Variants in KIAA1328 observed in about 807,000 individuals in gnomAD.
KIAA1328 encodes KIAA1328.
KIAA1328 carries 52 observed loss-of-function variants against 68.1 expected under a neutral mutation model. The ratio of observed to expected loss-of-function variants is 0.76; its 90% confidence interval spans 0.61 to 0.96. KIAA1328 has a LOEUF of 0.96. Ranked by LOEUF, KIAA1328 falls within the 40% of genes least tolerant of loss-of-function variation. The pLI is 0.00. For synonymous variants in KIAA1328, 232 were observed against 239.4 expected (o/e 0.97, Z 0.28); for missense variants, 641 against 677.6 (o/e 0.95, Z 0.60).
intron 6 of KIAA1328, among the ~76,000 whole-genome samples, chr18:37,061,193 C>A (rs1407349137): frequency 6.6e-6 from 1 of 152,080 alleles, no homozygotes; most frequent in Admixed American, 6.5e-5. Flanking sequence ...ATAGAAGAAG[C>A]TAAAAAATTA....
chr18:37,074,616 G>C (rs1263606113), intron 7 of KIAA1328: 1 of 152,194 alleles, frequency 6.6e-6, no homozygotes, highest in Non-Finnish European at 1.5e-5. Context: ...TGTTCACGTA[G>C]TTCTTGAGTC....
chr18:36,860,185 A>G (rs1351672898), intron 4 of KIAA1328, among the ~76,000 whole-genome samples: 1 of 152,168 alleles, frequency 6.6e-6, no homozygotes, highest in African/African-American at 2.4e-5. Flanking sequence ...AACTTGCTTT[A>G]CTAGCATACC....
intron 9 of KIAA1328, among the ~76,000 whole-genome samples, chr18:37,203,964 C>T (rs2154219633): frequency 6.6e-6 from 1 of 152,326 alleles, no homozygotes; most frequent in East Asian, 1.9e-4. Flanking sequence ...CGCCCGCCAC[C>T]ACACGCAGCT....
intron 6 of KIAA1328, among the ~76,000 whole-genome samples, chr18:36,965,322 G>A (rs2051874640): frequency 6.6e-6 from 1 of 151,750 alleles, no homozygotes; most frequent in African/African-American, 2.4e-5. Context: ...CTGGGTCACA[G>A]ACTGGTCAAG....
At chr18:36,887,154 G>A (rs1176104265) in intron 5 of KIAA1328, among the ~76,000 whole-genome samples, 1 of 138,750 alleles carries the variant, frequency 7.2e-6, no homozygotes, top group African/African-American at 2.7e-5. Flanking sequence ...CATTGCCCTT[G>A]GTTGTTGACC....
intron 6 of KIAA1328, among the ~76,000 whole-genome samples, chr18:36,987,484 A>AT (rs1417527122): frequency 1.4e-4 from 11 of 77,578 alleles, no homozygotes; most frequent in Non-Finnish European, 3.8e-4. Context: ...TTAGAGTATA[A>AT]TAAAAAAAAA....
At chr18:37,151,801 A>C (rs2059035634) in intron 7 of KIAA1328, among the ~76,000 whole-genome samples, 1 of 152,146 alleles carries the variant, frequency 6.6e-6, no homozygotes, top group African/African-American at 2.4e-5. Flanking sequence ...TTAAAGTGCG[A>C]GTGGTATGAG....
At chr18:37,044,954 T>C (rs1007177290) in intron 6 of KIAA1328, among the ~76,000 whole-genome samples, 1 of 152,120 alleles carries the variant, frequency 6.6e-6, no homozygotes, top group South Asian at 2.1e-4. Flanking sequence ...ACTTGAAGTT[T>C]AAGTGGGTAT....
chr18:37,010,860 A>G (rs2053955789), intron 6 of KIAA1328, among the ~76,000 whole-genome samples: 2 of 152,216 alleles, frequency 1.3e-5, no homozygotes, highest in African/African-American at 4.8e-5. Context: ...AGAGGTGTAT[A>G]TAGCAATAAT....
At chr18:37,069,914 C>A (rs1370229336) in intron 7 of KIAA1328, among the ~76,000 whole-genome samples, 1 of 151,836 alleles carries the variant, frequency 6.6e-6, no homozygotes, top group African/African-American at 2.4e-5. Context: ...AAGGTGGAAG[C>A]ATATTGGTTT....
chr18:37,049,010 A>G (rs2055585577), intron 6 of KIAA1328, among the ~76,000 whole-genome samples: 1 of 152,178 alleles, frequency 6.6e-6, no homozygotes, highest in African/African-American at 2.4e-5. Flanking sequence ...TCCATACAGT[A>G]TATTGGAGAG....
intron 6 of KIAA1328, among the ~76,000 whole-genome samples, chr18:36,960,382 T>C (rs564544803): frequency 6.6e-6 from 1 of 152,348 alleles, no homozygotes; most frequent in South Asian, 2.1e-4. Flanking sequence ...GGGCAGGGCA[T>C]TGCTGAACAA....
chr18:37,221,016 AG>A (rs1235806272), intron 9 of KIAA1328, among the ~76,000 whole-genome samples: 1 of 152,072 alleles, frequency 6.6e-6, no homozygotes, highest in Non-Finnish European at 1.5e-5. Context: ...TAGTAGAGAC[AG>A]AGTTTCACCA....
At chr18:37,151,669 A>T (rs977506924) in intron 7 of KIAA1328, among the ~76,000 whole-genome samples, 2 of 152,194 alleles carry the variant, frequency 1.3e-5, no homozygotes, top group African/African-American at 4.8e-5. Context: ...CAAGCAATTC[A>T]GTAGAAAAAG....
At chr18:37,006,350 A>G (rs1440705549) in intron 6 of KIAA1328, among the ~76,000 whole-genome samples, 1 of 152,092 alleles carries the variant, frequency 6.6e-6, no homozygotes, top group African/African-American at 2.4e-5. Flanking sequence ...ATCAAGGAGA[A>G]AATTTTACAC....
chr18:37,129,702 C>T (rs1304102761), intron 7 of KIAA1328, among the ~76,000 whole-genome samples: 2 of 152,232 alleles, frequency 1.3e-5, no homozygotes, highest in African/African-American at 4.8e-5. Flanking sequence ...TTTACATAAT[C>T]ATAATATGGC....
chr18:36,872,561 T>C (rs1371170719), intron 4 of KIAA1328, among the ~76,000 whole-genome samples: 1 of 152,138 alleles, frequency 6.6e-6, no homozygotes, highest in Non-Finnish European at 1.5e-5. Flanking sequence ...CAAACCAGCC[T>C]AACATTTGTT....
intron 4 of KIAA1328, among the ~76,000 whole-genome samples, chr18:36,867,660 G>T (rs915352021): frequency 6.6e-6 from 1 of 152,114 alleles, no homozygotes; most frequent in Admixed American, 6.5e-5. Flanking sequence ...TTCTCTGTGA[G>T]GTCCTCTTTA....
At chr18:36,948,004 G>A (rs1309974113) in intron 5 of KIAA1328, among the ~76,000 whole-genome samples, 1 of 152,048 alleles carries the variant, frequency 6.6e-6, no homozygotes, top group African/African-American at 2.4e-5. Flanking sequence ...ATAATGAGGC[G>A]TGTTTGACCT....
Sources: allele counts gnomAD v4.1 joint callset (sites outside exome capture counted in the v4.1 genomes callset), GRCh38; gene constraint gnomAD v4.1.1; transcripts MANE v1.5; gene names NCBI Gene and HGNC (gene_info 2026-07-23, HGNC 2026-07-21).